MARCHF1: variants seen among roughly 807,000 people sequenced by gnomAD.
MARCHF1 encodes membrane associated ring-CH-type finger 1.
In MARCHF1, 40 loss-of-function variants were observed where a neutral mutation model predicts 54.2. That is an observed-to-expected ratio of 0.74 (90% confidence interval 0.57 to 0.96). The LOEUF (loss-of-function observed/expected upper bound fraction) is 0.96. MARCHF1 is among the 40% of genes least tolerant of loss of function. MARCHF1 has a pLI of 0.00. For missense variants in MARCHF1, 586 were observed against 656.5 expected (o/e 0.89, Z 1.17); for synonymous variants, 236 against 236.3 (o/e 1.00, Z 0.01).
intron 4 of MARCHF1, among the ~76,000 whole-genome samples, chr4:163,772,290 C>A (rs1357653027): frequency 6.6e-6 from 1 of 152,084 alleles, no homozygotes; most frequent in African/African-American, 2.4e-5. Context: ...GGAAAAGATT[C>A]CTTAGAAAAG....
chr4:163,878,161 C>T (rs1158795602), intron 3 of MARCHF1, among the ~76,000 whole-genome samples: 1 of 152,174 alleles, frequency 6.6e-6, no homozygotes, highest in African/African-American at 2.4e-5. Context: ...CTTGTAGTTA[C>T]ACACACTTTT....
chr4:163,645,661 A>C (rs568614206), intron 5 of MARCHF1, among the ~76,000 whole-genome samples: 2 of 152,232 alleles, frequency 1.3e-5, no homozygotes, highest in African/African-American at 4.8e-5. Flanking sequence ...AGTTTAATAA[A>C]GATATAAAGC....
intron 1 of MARCHF1, among the ~76,000 whole-genome samples, chr4:164,248,833 G>A (rs1302884325): frequency 6.6e-5 from 10 of 151,662 alleles, no homozygotes; most frequent in Non-Finnish European, 2.9e-5. Context: ...ATTCAAGACA[G>A]AAAAGATCAA....
intron 1 of MARCHF1, among the ~76,000 whole-genome samples, chr4:164,176,885 A>G (rs1418764198): frequency 6.9e-6 from 1 of 143,936 alleles, no homozygotes; most frequent in African/African-American, 2.5e-5. Flanking sequence ...TTATTCTTAG[A>G]TTTTTCTTGA....
At chr4:164,281,757 T>C (rs1316961306) in intron 1 of MARCHF1, among the ~76,000 whole-genome samples, 1 of 152,154 alleles carries the variant, frequency 6.6e-6, no homozygotes, top group Non-Finnish European at 1.5e-5. Flanking sequence ...CTTGAGACCA[T>C]TGTGGAGCCA....
chr4:163,755,264 G>A (rs923715303), intron 4 of MARCHF1, among the ~76,000 whole-genome samples: 1 of 152,146 alleles, frequency 6.6e-6, no homozygotes, highest in African/African-American at 2.4e-5. Context: ...TATGTACAGG[G>A]AGATTGCTGC....
At chr4:164,320,389 T>C (rs1034672803) in intron 1 of MARCHF1, among the ~76,000 whole-genome samples, 1 of 152,080 alleles carries the variant, frequency 6.6e-6, no homozygotes, top group African/African-American at 2.4e-5. Flanking sequence ...GTAGGAGAAC[T>C]AAGGAATTAC....
chr4:163,711,622 T>G (rs1745107439), intron 4 of MARCHF1, among the ~76,000 whole-genome samples: 1 of 152,326 alleles, frequency 6.6e-6, no homozygotes, highest in Admixed American at 6.5e-5. Context: ...CAAACTGACT[T>G]TGCCCCACAA....
chr4:163,796,420 A>G (rs1362522303), intron 4 of MARCHF1, among the ~76,000 whole-genome samples: 1 of 151,808 alleles, frequency 6.6e-6, no homozygotes, highest in Non-Finnish European at 1.5e-5. Flanking sequence ...TGCAACTTTT[A>G]TAAGTATGTA....
At chr4:164,112,231 C>G (rs1053030482) in intron 1 of MARCHF1, among the ~76,000 whole-genome samples, 1 of 151,846 alleles carries the variant, frequency 6.6e-6, no homozygotes, top group African/African-American at 2.4e-5. Context: ...ATCCACAAGC[C>G]ATGTACTTCA....
At chr4:163,982,304 G>A (rs1752779267) in intron 3 of MARCHF1, among the ~76,000 whole-genome samples, 4 of 152,184 alleles carry the variant, frequency 2.6e-5, no homozygotes, top group African/African-American at 7.2e-5. Context: ...CATTCACCCT[G>A]TAGTGTCAGA....
intron 5 of MARCHF1, among the ~76,000 whole-genome samples, chr4:163,660,603 C>A (rs1427298853): frequency 6.6e-6 from 1 of 151,504 alleles, no homozygotes. Context: ...GTTTGACTTT[C>A]AAAAAGTTGC....
rs897009533 is a variant in MARCHF1, at chr4:163,527,425, T to G, written c.*1323A>C. ...ATATGGATGAAATAAGCCTTACACA[T>G]TTGATTTAATAACAAAAATAGGTAA... On this transcript the variant is annotated 3_prime_UTR_variant, in exon 10 of 10. Coordinates refer to ENST00000514618, the MANE Select transcript of MARCHF1 (RefSeq NM_001394959.1). 2 of 152,094 alleles carry G rather than the reference T, an allele frequency of 1.3e-5. No individual in the cohort carries two copies. The highest frequency in any genetic ancestry group is 4.8e-5 in the African/African-American group (2 of 41,456). The allele number at this position is 152,094 out of a possible 1,614,324, so 9.4% of individuals were successfully genotyped here. A position where few individuals can be genotyped will look rare whatever the true frequency, so the allele number is the denominator to read the frequency against.
At chr4:164,240,219 T>C (rs1420528998) in intron 1 of MARCHF1, among the ~76,000 whole-genome samples, 4 of 152,228 alleles carry the variant, frequency 2.6e-5, no homozygotes, top group Admixed American at 6.5e-5. Flanking sequence ...AAGTTCACTT[T>C]CAGTTCACAA....
chr4:164,378,764 T>C (rs1343735857), intron 1 of MARCHF1, among the ~76,000 whole-genome samples: 1 of 152,158 alleles, frequency 6.6e-6, no homozygotes, highest in African/African-American at 2.4e-5. Context: ...GAGGCTGGAG[T>C]GCAATGGCAC....
At chr4:164,338,652 T>C (rs1729827818) in intron 1 of MARCHF1, among the ~76,000 whole-genome samples, 1 of 152,114 alleles carries the variant, frequency 6.6e-6, no homozygotes, top group African/African-American at 2.4e-5. Context: ...TAACAAGTGA[T>C]AAAGAAGGTC....
In MARCHF1 at chr4:163,679,530, G is replaced by A. The variant is rs1744028245; in HGVS notation, c.162+21283C>T. 2.0e-5 allele frequency among the ~76,000 whole-genome samples: 3 copies of A among 152,122 alleles called. No individual in the cohort carries two copies. In the East Asian group the frequency reaches 5.8e-4, roughly 29 times the overall value. On this transcript the variant is annotated intron_variant, in intron 5 of 9. Coordinates refer to ENST00000514618, the MANE Select transcript of MARCHF1 (RefSeq NM_001394959.1). The stretch of plus-strand genomic sequence containing the variant: ...TACATAAGTGACCTTTTAAAGCAGG[G>A]GTCCCTGACCTCTGAGTCACAGCCT...
chr4:164,181,911 C>A (rs1730843174), intron 1 of MARCHF1, among the ~76,000 whole-genome samples: 1 of 152,112 alleles, frequency 6.6e-6, no homozygotes, highest in Admixed American at 6.5e-5. Flanking sequence ...TATAAATTCT[C>A]TGAATATAGA....
At chr4:163,834,831 C>G (rs1276193929) in intron 4 of MARCHF1, among the ~76,000 whole-genome samples, 1 of 152,052 alleles carries the variant, frequency 6.6e-6, no homozygotes, top group Non-Finnish European at 1.5e-5. Flanking sequence ...GTGCAGCTTC[C>G]TGGTTGACCT....
Sources: gnomAD v4.1 joint callset for allele counts (sites outside exome capture counted in the v4.1 genomes callset) on GRCh38, gnomAD v4.1.1 for gene constraint, MANE v1.5 for transcripts, NCBI Gene and HGNC (gene_info 2026-07-23, HGNC 2026-07-21) for gene names.